Variants in METTL25 observed in about 807,000 individuals in gnomAD.
METTL25 encodes methyltransferase like 25, also known as probable methyltransferase-like protein 25.
In METTL25, 64 loss-of-function variants were observed where a neutral mutation model predicts 71.6. The ratio of observed to expected loss-of-function variants is 0.89; its 90% confidence interval spans 0.73 to 1.10. The LOEUF (loss-of-function observed/expected upper bound fraction) is 1.10. Among genes scored for constraint, METTL25 ranks in the 50% least tolerant of loss-of-function variants. The pLI is 0.00. For missense variants in METTL25, 807 were observed against 707.0 expected, an observed-to-expected ratio of 1.14 and a Z score of -1.60; for synonymous variants, 287 against 250.3, an observed-to-expected ratio of 1.15 and a Z score of -1.38.
chr12:82,478,765 T>C (rs945309742), intron 11 of METTL25, among the ~76,000 whole-genome samples, 167 bp from the exon 12 acceptor site: 19 of 151,992 alleles, frequency 1.3e-4, no homozygotes, highest in African/African-American at 4.6e-4. Context: ...ATAAACTTTT[T>C]TGAAGGTGTA....
chr12:82,379,577 C>T (rs1400454007), intron 1 of METTL25, among the ~76,000 whole-genome samples: 3 of 152,088 alleles, frequency 2.0e-5, no homozygotes, highest in Non-Finnish European at 4.4e-5. Flanking sequence ...AAAACATTCT[C>T]GTGAAGCAAA....
intron 9 of METTL25, among the ~76,000 whole-genome samples, chr12:82,465,766 T>G (rs1346191346): frequency 1.3e-5 from 2 of 152,044 alleles, no homozygotes; most frequent in African/African-American, 4.8e-5. Flanking sequence ...TAATCACTGA[T>G]TCAAACTTGT....
chr12:82,414,746 TATA>T (rs889132242), intron 5 of METTL25, among the ~76,000 whole-genome samples: 7 of 23,998 alleles, frequency 2.9e-4, no homozygotes, highest in African/African-American at 4.9e-4. Context: ...AAAACTAGAT[TATA>T]ATCTACTCAT....
intron 5 of METTL25, among the ~76,000 whole-genome samples, chr12:82,426,626 G>A (rs1457221413): frequency 6.6e-6 from 1 of 151,914 alleles, no homozygotes; most frequent in Non-Finnish European, 1.5e-5. Context: ...CCCTCCTTCA[G>A]CCTCATAATC....
chr12:82,445,461 T>C (rs2137213020), intron 8 of METTL25, among the ~76,000 whole-genome samples: 1 of 152,312 alleles, frequency 6.6e-6, no homozygotes, highest in Non-Finnish European at 1.5e-5. Flanking sequence ...ATTAGCATTG[T>C]ATTGAGCTCA....
intron 9 of METTL25, among the ~76,000 whole-genome samples, chr12:82,464,178 A>G (rs1286073555): frequency 2.0e-5 from 3 of 151,598 alleles, no homozygotes; most frequent in Non-Finnish European, 4.4e-5. Flanking sequence ...ACTCAAAAAT[A>G]TTTTCCCAGA....
At chr12:82,379,044 C>T (rs1354051869) in intron 1 of METTL25, among the ~76,000 whole-genome samples, 1 of 152,054 alleles carries the variant, frequency 6.6e-6, no homozygotes, top group African/African-American at 2.4e-5. Context: ...AAGACAACAA[C>T]AGCAACAATA....
intron 9 of METTL25, among the ~76,000 whole-genome samples, chr12:82,462,829 C>G (rs183458222): frequency 6.6e-6 from 1 of 152,148 alleles, no homozygotes; most frequent in East Asian, 1.9e-4. Flanking sequence ...TGTATAGAAC[C>G]TATGCATATC....
rs979724700 is a variant in METTL25, at chr12:82,479,013, A to G, written c.1801A>G (p.Lys601Glu). Residue 601 changes from lysine to glutamate, a missense_variant, in exon 12 of 12, where the codon AAG (lysine) becomes GAG (glutamate). Coordinates refer to ENST00000248306, the MANE Select transcript of METTL25 (RefSeq NM_032230.3). ...ATGTTATGCTGTTATTGCCCTGAAG[A>G]AGCAGCAGTGATTTCCATTGAAGCA... is the stretch of plus-strand genomic sequence containing the variant. ...PRCYAVIALK[K>E]QQ The G allele has an allele frequency of 1.2e-5, 20 of 1,611,860 alleles. No individual in the cohort carries two copies. The highest frequency in any genetic ancestry group is 4.4e-5 in the South Asian group (4 of 90,928).
chr12:82,434,736 T>A lies in METTL25; in HGVS notation c.1404+12T>A. The stretch of plus-strand genomic sequence containing the variant: ...CAGCTGGCCAAGGGGTAAGTAAGAG[T>A]GTTAACTGATGAACACGACAGTTTT... On this transcript the variant is annotated intron_variant, in intron 7 of 11. Transcript: ENST00000248306. The A allele has an allele frequency of 4.4e-6, 7 of 1,607,608 alleles. No homozygotes were observed. The highest frequency in any genetic ancestry group is 6.0e-6 in the Non-Finnish European group (7 of 1,175,508).
At chr12:82,366,457 T>G (rs976525246) in intron 1 of METTL25, among the ~76,000 whole-genome samples, 4 of 152,188 alleles carry the variant, frequency 2.6e-5, no homozygotes, top group Non-Finnish European at 4.4e-5. Flanking sequence ...TGAGTAAATG[T>G]TTATAGAATC....
At position 82,409,518 on chromosome 12, in the gene METTL25, C is replaced by G. The variant is rs139354751; in HGVS notation, c.1279+6388C>G. Among the ~76,000 whole-genome samples, 99 of 151,536 alleles carry G rather than the reference C, an allele frequency of 6.5e-4. 1 individual carries two copies. The East Asian group carries it at 0.019, about 29-fold the overall frequency. On this transcript the variant is annotated intron_variant, in intron 5 of 11. Transcript: ENST00000248306. Reference sequence around the variant, plus strand: ...GAGGAAGCACTACTAGTTACCAATTCAGATCCACACATTTTTTCTTCTTTG... The same window carrying G: ...GAGGAAGCACTACTAGTTACCAATTGAGATCCACACATTTTTTCTTCTTTG...
Position 82,469,127 on chromosome 12 carries a change from G to A in METTL25, c.1573-7517G>A, listed in dbSNP as rs764609646. 2.6e-5 allele frequency among the ~76,000 whole-genome samples: 4 copies of A among 152,032 alleles called. No homozygotes were observed. The East Asian group carries it at 7.7e-4, about 29-fold the overall frequency. On this transcript the variant is annotated intron_variant, in intron 9 of 11. Transcript: ENST00000248306. ...GTCCCCAGCACAAAATCCACAGATC[G>A]CCACCATCACTAAGGGGATGTCTAT...
intron 7 of METTL25, 82 bp downstream of exon 7, chr12:82,434,806 C>A: frequency 1.8e-6 from 2 of 1,102,520 alleles, no homozygotes; most frequent in Admixed American, 1.8e-5. Flanking sequence ...GAACTTAAAA[C>A]CTAATGGAAT....
intron 9 of METTL25, among the ~76,000 whole-genome samples, chr12:82,465,586 G>C (rs1164656214): frequency 6.6e-6 from 1 of 151,658 alleles, no homozygotes; most frequent in African/African-American, 2.4e-5. Flanking sequence ...GTCCTTATCT[G>C]CTTTTGGTTT....
At chr12:82,425,560 T>A (rs1188675452) in intron 5 of METTL25, among the ~76,000 whole-genome samples, 1 of 152,044 alleles carries the variant, frequency 6.6e-6, no homozygotes, top group African/African-American at 2.4e-5. Context: ...TTTAACCCAT[T>A]GTGTTTGTTC....
intron 6 of METTL25, among the ~76,000 whole-genome samples, chr12:82,432,341 TA>T (rs1889570968): frequency 6.6e-6 from 1 of 151,664 alleles, no homozygotes; most frequent in South Asian, 2.1e-4. Context: ...CACTCTCTAG[TA>T]AATGGTACTT....
intron 5 of METTL25, among the ~76,000 whole-genome samples, chr12:82,409,768 T>C (rs1887406690): frequency 6.6e-6 from 1 of 152,086 alleles, no homozygotes; most frequent in Non-Finnish European, 1.5e-5. Flanking sequence ...CCCCCAGCCT[T>C]AATATGATAT....
intron 9 of METTL25, among the ~76,000 whole-genome samples, chr12:82,473,366 T>G (rs73153573): frequency 0.058 from 8,841 of 152,216 alleles, 334 homozygotes; most frequent in Middle Eastern, 0.12. Flanking sequence ...CGCAAGGCTC[T>G]TCAGCTGACC....
Sources: allele counts gnomAD v4.1 joint callset (sites outside exome capture counted in the v4.1 genomes callset), GRCh38; gene constraint gnomAD v4.1.1; transcripts MANE v1.5; gene names NCBI Gene and HGNC (gene_info 2026-07-23, HGNC 2026-07-21).